TCEA2: variants seen among roughly 807,000 people sequenced by gnomAD.
TCEA2 encodes transcription elongation factor A protein 2.
A neutral mutation model predicts 40.8 loss-of-function variants in TCEA2; 21 were observed. That is an observed-to-expected ratio of 0.51 (90% CI 0.36 to 0.74). The LOEUF (loss-of-function observed/expected upper bound fraction) is 0.74, where lower values mean the gene tolerates loss of function less well. TCEA2 is among the 30% of genes least tolerant of loss of function. The pLI is 0.00. For missense variants in TCEA2, 326 were observed against 426.5 expected (o/e 0.76, Z 2.08); for synonymous variants, 165 against 162.7 (o/e 1.01, Z -0.11).
intron 8 of TCEA2, among the ~76,000 whole-genome samples, chr20:64,071,491 C>T (rs1316486843): frequency 1.3e-5 from 2 of 152,240 alleles, no homozygotes; most frequent in South Asian, 2.1e-4. Context: ...CTCTCTCCTG[C>T]TCCCAGCCAC....
chr20:64,070,672 G>A (rs780637768), intron 8 of TCEA2, 37 bp downstream of exon 8: 1 of 1,506,910 alleles, frequency 6.6e-7, no homozygotes, highest in Admixed American at 2.1e-5. Context: ...CGGGCCCGGT[G>A]TCTTCAGGGC....
intron 2 of TCEA2, 51 bp downstream of exon 2, chr20:64,066,589 G>A: frequency 1.3e-6 from 2 of 1,595,544 alleles, no homozygotes; most frequent in Non-Finnish European, 1.7e-6. Context: ...TGCAGCCCAG[G>A]GGATGGCAGT....
At chr20:64,055,706 G>T (rs2059466353), upstream of TCEA2, among the ~76,000 whole-genome samples, 1 of 152,144 alleles carries the variant, frequency 6.6e-6, no homozygotes, top group Non-Finnish European at 1.5e-5. The surrounding 1 kb of genome is among the most constrained non-coding windows in gnomAD (Gnocchi z 4.0). Flanking sequence ...ATCTGCCTCA[G>T]CTCAGCTGCT....
chr20:64,062,632 A>G (rs2059588963), upstream of TCEA2: 1 of 152,314 alleles, frequency 6.6e-6, no homozygotes, highest in Non-Finnish European at 1.5e-5. Flanking sequence ...AACCCCAGCA[A>G]TGGCCCCTTC....
Position 64,070,516 on chromosome 20 carries a change from A to G in TCEA2, c.700A>G (p.Ile234Val), listed in dbSNP as rs746888564. 2 of 1,613,830 alleles carry G rather than the reference A, an allele frequency of 1.2e-6. No homozygotes were observed. Among genetic ancestry groups the G allele is most frequent in the Non-Finnish European group, 1.7e-6 (2 of 1,180,010 alleles). ...EEMASDELKEIRKAMTKEAIR... is the reference protein window; with the variant it reads ...EEMASDELKEVRKAMTKEAIR... ...GATGGCCAGTGATGAGCTGAAGGAG[A>G]TCCGTAAGGCCATGACCAAGGAGGC... The change falls in exon 8 of 10, where the codon ATC becomes GTC. Residue 234 changes from isoleucine (I) to valine (V), a missense_variant. Coordinates refer to ENST00000343484, the MANE Select transcript of TCEA2 (RefSeq NM_003195.6).
At chr20:64,069,111 C>A (rs2059764851) in intron 4 of TCEA2, among the ~76,000 whole-genome samples, 1 of 152,256 alleles carries the variant, frequency 6.6e-6, no homozygotes, top group African/African-American at 2.4e-5. Context: ...CTGTTCCCAC[C>A]TGGAGAGTAC....
chr20:64,063,521 G>C (rs923245808), intron 1 of TCEA2, 137 bp downstream of exon 1: 7 of 1,031,130 alleles, frequency 6.8e-6, no homozygotes, highest in Non-Finnish European at 9.8e-6. Flanking sequence ...TAACCGGGAC[G>C]CAGGGGAGAC....
upstream of TCEA2, among the ~76,000 whole-genome samples, chr20:64,059,962 T>C (rs1372415332): frequency 6.6e-6 from 1 of 152,118 alleles, no homozygotes; most frequent in Non-Finnish European, 1.5e-5. Flanking sequence ...TCCTTGATAG[T>C]GACTTGCTCC....
intron 1 of TCEA2, chr20:64,066,273 G>T: frequency 1.7e-6 from 1 of 571,486 alleles, no homozygotes; most frequent in South Asian, 2.2e-5. Context: ...TCTTGACTGA[G>T]CAGTAAGGGT....
At chr20:64,063,158 G>T, upstream of TCEA2, 1 of 573,286 alleles carries the variant, frequency 1.7e-6, no homozygotes, top group South Asian at 7.9e-5. Context: ...TGCCGCGCGC[G>T]GCCGCGGGGC....
upstream of TCEA2, among the ~76,000 whole-genome samples, chr20:64,056,094 C>T (rs115843796): frequency 2.5e-3 from 383 of 152,192 alleles, 1 homozygote; most frequent in African/African-American, 8.5e-3. Flanking sequence ...CCGCCAGGGC[C>T]GCCACTGGCC....
upstream of TCEA2, among the ~76,000 whole-genome samples, chr20:64,055,623 G>A (rs970062467): frequency 7.2e-5 from 11 of 152,318 alleles, no homozygotes; most frequent in Admixed American, 5.2e-4. The surrounding 1 kb of genome is among the most constrained non-coding windows in gnomAD (Gnocchi z 4.0). Flanking sequence ...GGAACAAGGG[G>A]CTGAGTTGGC....
chr20:64,058,013 C>G lies in TCEA2; in HGVS notation c.-84+362C>G, dbSNP rs2059496408. 1.3e-5 allele frequency among the ~76,000 whole-genome samples: 2 copies of G among 152,192 alleles called. No homozygotes were observed. The highest frequency in any genetic ancestry group is 4.1e-4 in the South Asian group (2 of 4,836). Reference sequence around the variant, plus strand: ...ACCTGCCTCTGCCCGGGGGCGGGACCATCCCACCGGATTGCAGGTTCCCTG... The same window carrying G: ...ACCTGCCTCTGCCCGGGGGCGGGACGATCCCACCGGATTGCAGGTTCCCTG... On this transcript the variant is annotated intron_variant, in intron 1 of 10. Coordinates refer to the TCEA2 transcript ENST00000361317. This position sits in a 1 kb window ranked among gnomAD's most constrained non-coding sequence, Gnocchi z 6.7.
upstream of TCEA2, among the ~76,000 whole-genome samples, chr20:64,058,302 G>A (rs2059500960): frequency 1.3e-5 from 2 of 152,156 alleles, no homozygotes; most frequent in African/African-American, 2.4e-5. The surrounding 1 kb of genome is among the most constrained non-coding windows in gnomAD (Gnocchi z 6.7). Flanking sequence ...ATGCAGCCCC[G>A]TAGGCTGGGC....
At position 64,066,934 on chromosome 20, in the gene TCEA2, C is replaced by T. The variant is rs1305191306; in HGVS notation, c.155C>T (p.Ser52Phe). ...HLLQSTRVGM[S>F]VNALRKQSSD... ...TCGTAGTCCACCCGAGTCGGGATGT[C>T]TGTCAACGCCCTTCGGAAGCAGAGC... The change falls in exon 3 of 10, where the codon TCT (serine) becomes TTT (phenylalanine). Residue 52 changes from serine (S) to phenylalanine (F), a missense_variant. Ser to Phe is a radical substitution (Grantham distance 155). Coordinates refer to ENST00000343484, the MANE Select transcript of TCEA2 (RefSeq NM_003195.6). 1 of 1,614,044 alleles carries T rather than the reference C, an allele frequency of 6.2e-7. No homozygotes were observed. Among genetic ancestry groups the T allele is most frequent in the South Asian group, 1.1e-5 (1 of 91,062 alleles).
upstream of TCEA2, among the ~76,000 whole-genome samples, chr20:64,059,643 C>T (rs563511335): frequency 6.6e-6 from 1 of 152,280 alleles, no homozygotes; most frequent in East Asian, 1.9e-4. Flanking sequence ...CCCAGGGCCC[C>T]AGCCCCTGGT....
chr20:64,055,606 C>T (rs1352261300), upstream of TCEA2, among the ~76,000 whole-genome samples: 2 of 152,160 alleles, frequency 1.3e-5, no homozygotes, highest in African/African-American at 4.8e-5. This position sits in a 1 kb window ranked among gnomAD's most constrained non-coding sequence, Gnocchi z 4.0. Flanking sequence ...GGGGATGAGG[C>T]TCAGAGGGAA....
intron 2 of TCEA2, 50 bp downstream of exon 2, chr20:64,066,588 G>C: frequency 6.3e-7 from 1 of 1,595,362 alleles, no homozygotes; most frequent in Non-Finnish European, 8.6e-7. Context: ...GTGCAGCCCA[G>C]GGGATGGCAG....
At chr20:64,071,013 C>T (rs1227627180) in intron 8 of TCEA2, among the ~76,000 whole-genome samples, 1 of 152,188 alleles carries the variant, frequency 6.6e-6, no homozygotes, top group Non-Finnish European at 1.5e-5. Context: ...ACTGAGTGTG[C>T]TGGGGAGACT....
Sources: gnomAD v4.1 joint callset for allele counts (sites outside exome capture counted in the v4.1 genomes callset) on GRCh38, gnomAD v4.1.1 for gene constraint, Gnocchi (gnomAD v3.1) non-coding constraint, MANE v1.5 for transcripts, NCBI Gene and HGNC (gene_info 2026-07-23, HGNC 2026-07-21) for gene names.